The following LRRTM4 variants were observed in gnomAD, a reference collection of about 807,000 sequenced individuals.
LRRTM4 encodes the protein leucine-rich repeat transmembrane neuronal protein 4.
Under a neutral mutation model 47.6 loss-of-function variants are expected in LRRTM4, and 25 were observed. That is an observed-to-expected ratio of 0.53 (90% CI 0.38 to 0.73). LRRTM4 has a LOEUF of 0.73. Among genes scored for constraint, LRRTM4 ranks in the 30% least tolerant of loss-of-function variants. The pLI is 0.00. For missense variants in LRRTM4, 638 were observed against 713.4 expected (o/e 0.89, Z 1.20); for synonymous variants, 311 against 269.5 (o/e 1.15, Z -1.51).
chr2:77,255,832 C>T (rs1032447003), intron 3 of LRRTM4, among the ~76,000 whole-genome samples: 7 of 151,962 alleles, frequency 4.6e-5, no homozygotes, highest in African/African-American at 1.7e-4. Context: ...AGTCTAAAGT[C>T]AGCAATCTAA....
chr2:77,470,255 A>G (rs1677136741), intron 3 of LRRTM4, among the ~76,000 whole-genome samples: 1 of 152,160 alleles, frequency 6.6e-6, no homozygotes, highest in Non-Finnish European at 1.5e-5. Flanking sequence ...CTTTTCCCTT[A>G]AGAGCTAAGG....
At chr2:76,796,028 C>G (rs1441626014) in intron 3 of LRRTM4, among the ~76,000 whole-genome samples, 2 of 125,096 alleles carry the variant, frequency 1.6e-5, no homozygotes, top group South Asian at 2.8e-4. Flanking sequence ...ACGGAGTTCC[C>G]TTTCTGAGTC....
rs980817310 is a variant in LRRTM4, at chr2:76,837,828, T to C, written c.1552-88912A>G. 5.9e-5 allele frequency among the ~76,000 whole-genome samples: 9 copies of C among 152,050 alleles called. No homozygotes were observed. The South Asian group carries it at 1.0e-3, about 18-fold the overall frequency. On this transcript the variant is annotated intron_variant, in intron 3 of 3. Coordinates refer to ENST00000409884, the MANE Select transcript of LRRTM4 (RefSeq NM_001134745.3). ...GGAAATCATCATTCTCAGTAAACTA[T>C]TGCAAGGACAAAAAACCAAACACCG...
chr2:77,066,587 A>G (rs960400659), intron 3 of LRRTM4, among the ~76,000 whole-genome samples: 11 of 152,236 alleles, frequency 7.2e-5, no homozygotes, highest in African/African-American at 2.2e-4. Context: ...AGCATCTACT[A>G]TAATAAAATG....
intron 3 of LRRTM4, among the ~76,000 whole-genome samples, chr2:76,788,933 A>T (rs1674824326): frequency 6.6e-6 from 1 of 152,192 alleles, no homozygotes; most frequent in Non-Finnish European, 1.5e-5. Context: ...CCACTGGTGG[A>T]AAAAGGTTTT....
chr2:77,086,440 C>T lies in LRRTM4; in HGVS notation c.1552-337524G>A, dbSNP rs1670903338. ...TGTATGTGTGTGTATGTGTGTTTTC[C>T]TTTTAGGAACTCATGATTGCAGGTT... On this transcript the variant is annotated intron_variant, in intron 3 of 3. Coordinates refer to ENST00000409884, the MANE Select transcript of LRRTM4 (RefSeq NM_001134745.3). Among the ~76,000 whole-genome samples the T allele has an allele frequency of 2.6e-5, 3 of 114,360 alleles. No homozygotes were observed. The South Asian group carries it at 8.5e-4, about 32-fold the overall frequency. 75.0% of individuals were successfully genotyped at this position (114,360 alleles called of 152,430 possible).
chr2:76,816,106 T>C (rs946124517), intron 3 of LRRTM4, among the ~76,000 whole-genome samples: 2 of 152,116 alleles, frequency 1.3e-5, no homozygotes, highest in African/African-American at 2.4e-5. Flanking sequence ...GTATCCTCCC[T>C]GCTTTCCTGT....
intron 3 of LRRTM4, among the ~76,000 whole-genome samples, chr2:77,040,423 G>C (rs949164431): frequency 1.3e-5 from 2 of 151,314 alleles, no homozygotes; most frequent in African/African-American, 4.8e-5. Context: ...ATATGAAGCT[G>C]AAAGAGATTG....
At chr2:77,177,538 A>G (rs1027479613) in intron 3 of LRRTM4, among the ~76,000 whole-genome samples, 1 of 152,186 alleles carries the variant, frequency 6.6e-6, no homozygotes, top group African/African-American at 2.4e-5. Flanking sequence ...AAAGTTACCA[A>G]GGTGCAGAAA....
intron 3 of LRRTM4, among the ~76,000 whole-genome samples, chr2:77,149,998 A>G (rs1206161797): frequency 1.3e-5 from 2 of 152,136 alleles, no homozygotes; most frequent in African/African-American, 4.8e-5. Context: ...GAAAATGTGT[A>G]CTTATTCCTC....
At chr2:77,403,939 A>G (rs1272022185) in intron 3 of LRRTM4, among the ~76,000 whole-genome samples, 1 of 151,586 alleles carries the variant, frequency 6.6e-6, no homozygotes, top group Admixed American at 6.6e-5. Flanking sequence ...ACTAAATGGA[A>G]GAAAAATATA....
chr2:77,105,466 A>T (rs976268991), intron 3 of LRRTM4, among the ~76,000 whole-genome samples: 7 of 139,120 alleles, frequency 5.0e-5, no homozygotes, highest in African/African-American at 1.9e-4. Context: ...CAATGAGAAC[A>T]CATGGACACA....
At chr2:76,829,237 T>C (rs540118741) in intron 3 of LRRTM4, among the ~76,000 whole-genome samples, 29 of 152,030 alleles carry the variant, frequency 1.9e-4, no homozygotes, top group Non-Finnish European at 3.5e-4. Flanking sequence ...GAGATAATTA[T>C]AGGCAGAATT....
intron 3 of LRRTM4, among the ~76,000 whole-genome samples, chr2:77,161,282 C>T (rs780989630): frequency 1.1e-4 from 16 of 152,120 alleles, no homozygotes; most frequent in East Asian, 5.8e-4. Flanking sequence ...AGTGATCCAA[C>T]GGAACTGACT....
At chr2:77,520,115 G>T (rs1308849822) in intron 2 of LRRTM4, among the ~76,000 whole-genome samples, 1 of 152,024 alleles carries the variant, frequency 6.6e-6, no homozygotes, top group African/African-American at 2.4e-5. Flanking sequence ...AGTTTCAGGA[G>T]TTCCTACTTA....
At chr2:77,382,270 G>A (rs145532346) in intron 3 of LRRTM4, among the ~76,000 whole-genome samples, 1,521 of 152,076 alleles carry the variant, frequency 0.01, 39 homozygotes, top group South Asian at 0.015. Context: ...CTGATGGTGT[G>A]TTTAATTTAT....
intron 3 of LRRTM4, among the ~76,000 whole-genome samples, chr2:76,851,257 A>G (rs1026245703): frequency 6.6e-6 from 1 of 152,124 alleles, no homozygotes; most frequent in African/African-American, 2.4e-5. Context: ...TGGTTTTATG[A>G]GTTTGGGTGG....
At chr2:76,831,522 T>C (rs1372811018) in intron 3 of LRRTM4, among the ~76,000 whole-genome samples, 1 of 152,164 alleles carries the variant, frequency 6.6e-6, no homozygotes, top group Admixed American at 6.6e-5. Flanking sequence ...CGTTTAATTC[T>C]ATAGCACATA....
intron 3 of LRRTM4, among the ~76,000 whole-genome samples, chr2:76,853,754 G>A (rs753542761): frequency 3.3e-5 from 5 of 152,094 alleles, no homozygotes; most frequent in Non-Finnish European, 5.9e-5. Context: ...ATTCCAGATT[G>A]TCATTTTCCA....
Sources: allele counts gnomAD v4.1 joint callset (sites outside exome capture counted in the v4.1 genomes callset), GRCh38; gene constraint gnomAD v4.1.1; transcripts MANE v1.5; gene names NCBI Gene and HGNC (gene_info 2026-07-23, HGNC 2026-07-21).